EPB41: variants seen among roughly 807,000 people sequenced by gnomAD.
EPB41 encodes the protein protein 4.1.
EPB41 carries 65 observed loss-of-function variants against 108.0 expected under a neutral mutation model. The observed-to-expected ratio is 0.60, with a 90% CI of 0.49 to 0.74. EPB41 has a LOEUF of 0.74. EPB41 is among the 30% of genes least tolerant of loss of function. The probability of loss-of-function intolerance (pLI) is 0.00; values close to 1 mark genes in which losing one functional copy is unlikely to be tolerated. For synonymous variants in EPB41, 336 were observed against 358.9 expected, an observed-to-expected ratio of 0.94 and a Z score of 0.72; for missense variants, 875 against 1,037.0, an observed-to-expected ratio of 0.84 and a Z score of 2.15.
intron 1 of EPB41, among the ~76,000 whole-genome samples, chr1:28,925,182 C>T (rs2093371692): frequency 6.6e-6 from 1 of 152,080 alleles, no homozygotes; most frequent in Admixed American, 6.6e-5. Context: ...CCAGGCTGGT[C>T]CCGAACTCCT....
chr1:28,977,247 A>G (rs1043314049), intron 1 of EPB41, among the ~76,000 whole-genome samples: 1 of 152,178 alleles, frequency 6.6e-6, no homozygotes, highest in Non-Finnish European at 1.5e-5. Flanking sequence ...ATTATAAAGG[A>G]AATTTTATTA....
chr1:28,971,180 C>CTTTTTTTTTTTTT (rs1000130058), intron 1 of EPB41, among the ~76,000 whole-genome samples: 56 of 66,318 alleles, frequency 8.4e-4, no homozygotes, highest in East Asian at 2.1e-3. Context: ...TTCTTTCTTT[C>CTTTTTTTTTTTTT]TTTTTTTTTT....
chr1:28,993,463 A>C lies in EPB41; in HGVS notation c.602A>C (p.Gln201Pro), dbSNP rs1032686907. The C allele has an allele frequency of 3.1e-6, 5 of 1,613,912 alleles. No homozygotes were observed. Among genetic ancestry groups the C allele is most frequent in the East Asian group, 2.2e-5 (1 of 44,856 alleles). Residue 201 changes from glutamine (Q) to proline (P), a missense_variant, in exon 3 of 21, where the codon CAA becomes CCA. Gln to Pro is a moderately conservative substitution (Grantham distance 76). Around this residue, in one of 3 missense-constraint regions of EPB41, gnomAD observed 353 missense variants for 393.2 expected, o/e 0.90. Coordinates refer to ENST00000343067, the MANE Select transcript of EPB41 (RefSeq NM_001376013.1). ...SKAETELKAS[Q>P]KPIRKHRNMH... ...GCAGAAACAGAATTAAAAGCTTCCC[A>C]AAAACCAATCAGAAAACACAGGAAC...
intron 12 of EPB41, among the ~76,000 whole-genome samples, chr1:29,055,550 A>G (rs1051488981): frequency 3.9e-5 from 6 of 151,944 alleles, no homozygotes; most frequent in Non-Finnish European, 8.8e-5. Flanking sequence ...GATTCGAGAT[A>G]CTTGTGTTGA....
intron 12 of EPB41, among the ~76,000 whole-genome samples, chr1:29,058,077 T>A (rs1645858777): frequency 6.6e-6 from 1 of 152,254 alleles, no homozygotes. Flanking sequence ...CCTTTGTGTT[T>A]ACTAGTTTGG....
Position 28,924,516 on chromosome 1 carries a change from C to T in EPB41, c.-8+9748C>T, listed in dbSNP as rs1012385613. On this transcript the variant is annotated intron_variant, in intron 1 of 20. Transcript: ENST00000343067. ...TGCACTCCAGCTCTGGGTGACAGAGCGAGACTACATCTCAAAAAAAAAATA... is the reference window on the plus strand; with the variant it reads ...TGCACTCCAGCTCTGGGTGACAGAGTGAGACTACATCTCAAAAAAAAAATA... Among the ~76,000 whole-genome samples, 9 of 150,306 alleles carry T rather than the reference C, an allele frequency of 6.0e-5. No individual in the cohort carries two copies. The South Asian group carries it at 6.4e-4, about 11-fold the overall frequency.
At chr1:28,971,139 C>T (rs1335065448) in intron 1 of EPB41, among the ~76,000 whole-genome samples, 3 of 150,656 alleles carry the variant, frequency 2.0e-5, no homozygotes, top group Non-Finnish European at 2.9e-5. Context: ...TGAGCCACCA[C>T]ACCCGGCCGC....
chr1:28,923,645 T>C (rs547376062), intron 1 of EPB41, among the ~76,000 whole-genome samples: 15 of 152,176 alleles, frequency 9.9e-5, no homozygotes, highest in Non-Finnish European at 1.5e-4. Context: ...TTGTATTATC[T>C]CTAATATGAC....
intron 1 of EPB41, chr1:28,890,978 G>C: frequency 1.0e-6 from 1 of 985,492 alleles, no homozygotes; most frequent in Non-Finnish European, 1.2e-6. Context: ...TGGGGAACAA[G>C]CTGTGCTGCC....
At chr1:29,010,816 G>C (rs548414922) in intron 4 of EPB41, among the ~76,000 whole-genome samples, 1 of 152,254 alleles carries the variant, frequency 6.6e-6, no homozygotes, top group East Asian at 1.9e-4. Context: ...ATACTGTGCT[G>C]ATATAGAAAA....
At chr1:28,929,692 T>G (rs138922773) in intron 1 of EPB41, among the ~76,000 whole-genome samples, 1,992 of 151,784 alleles carry the variant, frequency 0.013, 44 homozygotes, top group African/African-American at 0.044. Flanking sequence ...CCACCACGCC[T>G]GGCTAATTTT....
chr1:29,007,626 T>C (rs960348062), intron 4 of EPB41, among the ~76,000 whole-genome samples: 1 of 152,230 alleles, frequency 6.6e-6, no homozygotes, highest in African/African-American at 2.4e-5. Context: ...TGACATGTTT[T>C]ATCCTCATGT....
intron 16 of EPB41, among the ~76,000 whole-genome samples, chr1:29,079,239 T>C (rs949285136): frequency 1.3e-4 from 19 of 151,700 alleles, no homozygotes; most frequent in African/African-American, 4.6e-4. Context: ...TCAGGTGATC[T>C]GCCCGCCTCA....
chr1:29,045,746 G>A (rs1406390837), intron 11 of EPB41, among the ~76,000 whole-genome samples: 1 of 146,770 alleles, frequency 6.8e-6, no homozygotes, highest in African/African-American at 2.5e-5. Context: ...GCCAAGGTGG[G>A]AGGATCGCTT....
chr1:29,017,718 A>G (rs931798755), intron 6 of EPB41, among the ~76,000 whole-genome samples: 9 of 152,134 alleles, frequency 5.9e-5, no homozygotes, highest in African/African-American at 2.2e-4. Flanking sequence ...ATGTGATAGA[A>G]AAGAAAGGGC....
At chr1:28,922,952 G>T (rs567889483) in intron 1 of EPB41, among the ~76,000 whole-genome samples, 1 of 151,798 alleles carries the variant, frequency 6.6e-6, no homozygotes, top group East Asian at 2.0e-4. Context: ...ATATTGCCCA[G>T]CCTGGTCTCA....
intron 1 of EPB41, among the ~76,000 whole-genome samples, chr1:28,964,682 G>T (rs1403443236): frequency 6.6e-6 from 1 of 152,098 alleles, no homozygotes; most frequent in Admixed American, 6.6e-5. Context: ...AGAGAATAAG[G>T]TATAAATTCT....
In EPB41 at chr1:29,039,350, T is replaced by G. The variant is rs776114250; in HGVS notation, c.1560T>G (p.Ala520=). The G allele has an allele frequency of 4.3e-6, 7 of 1,614,172 alleles. No individual in the cohort carries two copies. The highest frequency in any genetic ancestry group is 5.1e-6 in the Non-Finnish European group (6 of 1,180,040). The stretch of plus-strand genomic sequence containing the variant: ...GGACTCAAGCTCAGACCAGGCAAGC[T>G]AGTGCTCTAATTGACAGGCCTGCCC... The part of the protein sequence containing the change: ...SGRTQAQTRQ[A]SALIDRPAPH... The change falls in exon 11 of 21, where the codon GCT becomes GCG. Residue 520 remains alanine, a synonymous_variant. Transcript: ENST00000343067.
intron 1 of EPB41, among the ~76,000 whole-genome samples, chr1:28,983,682 T>C (rs1465603722): frequency 6.6e-6 from 1 of 152,190 alleles, no homozygotes; most frequent in Non-Finnish European, 1.5e-5. Flanking sequence ...CTTGCAGTAC[T>C]CAAGGCCACG....
Sources: allele counts gnomAD v4.1 joint callset (sites outside exome capture counted in the v4.1 genomes callset), GRCh38; gene constraint gnomAD v4.1.1; regional missense constraint gnomAD v4.1.1; transcripts MANE v1.5; gene names NCBI Gene and HGNC (gene_info 2026-07-23, HGNC 2026-07-21).